The following XPNPEP1 variants were observed in gnomAD, a reference collection of about 807,000 sequenced individuals.
XPNPEP1 encodes the protein xaa-Pro aminopeptidase 1.
XPNPEP1 carries 39 observed loss-of-function variants against 92.4 expected under a neutral mutation model. The ratio of observed to expected loss-of-function variants is 0.42; its 90% CI spans 0.33 to 0.55. XPNPEP1 has a LOEUF of 0.55. Ranked by LOEUF, XPNPEP1 falls within the 20% of genes least tolerant of loss-of-function variation. The pLI is 0.08. For synonymous variants in XPNPEP1, 307 were observed against 299.4 expected, an observed-to-expected ratio of 1.03 and a Z score of -0.26; for missense variants, 654 against 856.1, an observed-to-expected ratio of 0.76 and a Z score of 2.95.
intron 1 of XPNPEP1, among the ~76,000 whole-genome samples, chr10:109,916,870 C>A (rs1850220855): frequency 6.6e-6 from 1 of 152,062 alleles, no homozygotes; most frequent in African/African-American, 2.4e-5. Flanking sequence ...GAATAAAGAA[C>A]AAAATCTACA....
chr10:109,892,865 G>A lies in XPNPEP1; in HGVS notation c.310+147C>T. 4 of 732,088 alleles carry A rather than the reference G, an allele frequency of 5.5e-6. No homozygotes were observed. The South Asian group carries it at 7.5e-5, about 14-fold the overall frequency. 45.3% of individuals were successfully genotyped at this position (732,088 alleles called of 1,614,324 possible). ...ACCTTGGGGAGCAGGGAAAGACTGGGAACCCACACCTTTCTGCAGAGAGTC... is the reference window on the plus strand; with the variant it reads ...ACCTTGGGGAGCAGGGAAAGACTGGAAACCCACACCTTTCTGCAGAGAGTC... On this transcript the variant is annotated intron_variant, in intron 4 of 20. Coordinates refer to ENST00000502935, the MANE Select transcript of XPNPEP1 (RefSeq NM_020383.4).
intron 1 of XPNPEP1, among the ~76,000 whole-genome samples, chr10:109,917,942 G>A (rs983010355): frequency 7.2e-5 from 11 of 151,940 alleles, no homozygotes; most frequent in African/African-American, 1.9e-4. Flanking sequence ...GCAAAACTCC[G>A]TTTCTACAAA....
chr10:109,907,688 T>A lies in XPNPEP1; in HGVS notation c.246+3A>T. 1 of 1,614,180 alleles carries A rather than the reference T, an allele frequency of 6.2e-7. No individual in the cohort carries two copies. The highest frequency in any genetic ancestry group is 8.5e-7 in the Non-Finnish European group (1 of 1,180,010). Reference sequence around the variant, plus strand: ...AAAGGAGAGGCCCATTGCCATGCAGTACCTGATGAGCATCTCCCGATGGGA... The same window carrying A: ...AAAGGAGAGGCCCATTGCCATGCAGAACCTGATGAGCATCTCCCGATGGGA... On this transcript the variant is annotated splice_donor_region_variant and intron_variant, in intron 3 of 20. Transcript: ENST00000502935.
intron 3 of XPNPEP1, among the ~76,000 whole-genome samples, chr10:109,896,336 TG>T (rs1421317844): frequency 6.6e-6 from 1 of 150,766 alleles, no homozygotes; most frequent in African/African-American, 2.4e-5. Flanking sequence ...TAGAGTGTGG[TG>T]ACACAATTAT....
intron 3 of XPNPEP1, among the ~76,000 whole-genome samples, chr10:109,904,114 G>A (rs563323938): frequency 6.6e-5 from 10 of 151,316 alleles, no homozygotes; most frequent in Admixed American, 1.3e-4. Context: ...CAAAATGCTC[G>A]GATTACAGGC....
At chr10:109,898,922 G>A (rs953772530) in intron 3 of XPNPEP1, among the ~76,000 whole-genome samples, 3 of 152,164 alleles carry the variant, frequency 2.0e-5, no homozygotes, top group African/African-American at 7.2e-5. Flanking sequence ...GTCCACATTA[G>A]CGTGACATCT....
At position 109,870,022 on chromosome 10, in the gene XPNPEP1, C is replaced by G. The variant is rs1326112689; in HGVS notation, c.1704G>C (p.Gly568=). Residue 568 remains glycine, a synonymous_variant, in exon 19 of 21, where the codon GGG becomes GGC. Coordinates refer to ENST00000502935, the MANE Select transcript of XPNPEP1 (RefSeq NM_020383.4). ...EAGMIVTDEP[G]YYEDGAFGIR... ...TTCCAAAAGCCCCATCTTCATAGTA[C>G]CCGGGCTCTAAAACAAACCAAATCC... The G allele has an allele frequency of 2.5e-6, 4 of 1,614,062 alleles. No homozygotes were observed. The Admixed American group carries it at 5.0e-5, about 20-fold the overall frequency.
intron 3 of XPNPEP1, among the ~76,000 whole-genome samples, chr10:109,904,180 A>G (rs762886670): frequency 2.0e-5 from 3 of 150,026 alleles, no homozygotes; most frequent in Non-Finnish European, 3.0e-5. Flanking sequence ...ATTCTAATGA[A>G]CACAAACGAA....
chr10:109,871,925 G>A (rs1847507402), intron 16 of XPNPEP1, 64 bp from the exon 17 acceptor site: 4 of 1,495,424 alleles, frequency 2.7e-6, no homozygotes, highest in East Asian at 2.3e-5. Context: ...GTAGTTTTCT[G>A]GTAGTTCAGA....
chr10:109,878,166 C>G, intron 12 of XPNPEP1, 108 bp from the exon 13 acceptor site: 1 of 1,209,882 alleles, frequency 8.3e-7, no homozygotes, highest in Non-Finnish European at 1.2e-6. Context: ...TTGCTTCATC[C>G]CAACTGACCA....
intron 3 of XPNPEP1, among the ~76,000 whole-genome samples, chr10:109,898,539 T>C (rs139856658): frequency 3.7e-4 from 56 of 152,240 alleles, no homozygotes; most frequent in African/African-American, 1.3e-3. Context: ...CCACCAAGGA[T>C]AGGCGAAGAG....
At chr10:109,896,410 C>G (rs1848993598) in intron 3 of XPNPEP1, among the ~76,000 whole-genome samples, 1 of 148,492 alleles carries the variant, frequency 6.7e-6, no homozygotes, top group Non-Finnish European at 1.5e-5. Context: ...TTCTCAATAG[C>G]TGGGACTACA....
chr10:109,879,119 G>A (rs1342401449), intron 12 of XPNPEP1, among the ~76,000 whole-genome samples: 1 of 151,742 alleles, frequency 6.6e-6, no homozygotes, highest in East Asian at 1.9e-4. Flanking sequence ...GCGGGCGCCT[G>A]TAGTCCCAGC....
chr10:109,884,170 C>T (rs1396626167), intron 8 of XPNPEP1, 22 bp from the exon 9 acceptor site: 5 of 1,611,006 alleles, frequency 3.1e-6, no homozygotes, highest in Non-Finnish European at 4.2e-6. Flanking sequence ...ATCAAAATCC[C>T]TGTCACCTGT....
intron 8 of XPNPEP1, 71 bp from the exon 9 acceptor site, chr10:109,884,219 G>T: frequency 3.4e-6 from 5 of 1,468,146 alleles, no homozygotes; most frequent in Non-Finnish European, 4.7e-6. Context: ...TAGCGGGAGG[G>T]AAGAGCTTCA....
intron 3 of XPNPEP1, among the ~76,000 whole-genome samples, chr10:109,903,119 G>A (rs891617558): frequency 2.6e-4 from 40 of 152,130 alleles, no homozygotes; most frequent in African/African-American, 9.7e-4. Flanking sequence ...ATAAGATGTC[G>A]GTGTCTCCTA....
intron 3 of XPNPEP1, among the ~76,000 whole-genome samples, chr10:109,894,975 C>T (rs1848906533): frequency 6.6e-6 from 1 of 152,186 alleles, no homozygotes; most frequent in Non-Finnish European, 1.5e-5. Flanking sequence ...GGGTGGCCCA[C>T]ACATCTCCTA....
rs1277242863 is a variant in XPNPEP1 at position 109,882,535 on chromosome 10, G to A, written c.938C>T (p.Ser313Phe). The A allele has an allele frequency of 1.2e-6, 2 of 1,614,200 alleles. No homozygotes were observed. Among genetic ancestry groups the A allele is most frequent in the South Asian group, 2.2e-5 (2 of 91,078 alleles). ...CAGGGCCTTGAGCTCGCTCAGGATGGACTTGTAGGGATGCACCTGGATCCT... is the reference window on the plus strand; with the variant it reads ...CAGGGCCTTGAGCTCGCTCAGGATGAACTTGTAGGGATGCACCTGGATCCT... ...EYRIQVHPYK[S>F]ILSELKALCA... The change falls in exon 10 of 21, where the codon TCC becomes TTC. Residue 313 changes from serine (S) to phenylalanine (F), a missense_variant. By Grantham distance (155) the Ser-to-Phe change is radical. Coordinates refer to ENST00000502935, the MANE Select transcript of XPNPEP1 (RefSeq NM_020383.4).
chr10:109,913,684 C>T (rs1406060815), intron 2 of XPNPEP1, among the ~76,000 whole-genome samples: 1 of 152,168 alleles, frequency 6.6e-6, no homozygotes, highest in Non-Finnish European at 1.5e-5. Context: ...TTCCCAAGTC[C>T]ATGCTCTATT....
Sources: allele counts gnomAD v4.1 joint callset (sites outside exome capture counted in the v4.1 genomes callset), GRCh38; gene constraint gnomAD v4.1.1; transcripts MANE v1.5; gene names NCBI Gene and HGNC (gene_info 2026-07-23, HGNC 2026-07-21).